PFDN6: variants seen among roughly 807,000 people sequenced by gnomAD.
The protein encoded by PFDN6 is HLA class II region expressed gene KE2.
PFDN6 carries 5 observed loss-of-function variants against 19.3 expected under a neutral mutation model. The observed-to-expected ratio is 0.26, with a 90% CI of 0.14 to 0.55. The LOEUF is 0.55. Among genes scored for constraint, PFDN6 ranks in the 20% least tolerant of loss-of-function variants. The probability of loss-of-function intolerance (pLI) is 0.94; values close to 1 mark genes in which losing one functional copy is unlikely to be tolerated. For missense variants in PFDN6, 101 were observed against 149.4 expected (o/e 0.68, Z 1.69); for synonymous variants, 51 against 63.4 (o/e 0.80, Z 0.93).
Position 33,290,842 on chromosome 6 carries a change from C to A in PFDN6, c.387C>A (p.Ala129=), listed in dbSNP as rs743946. The A allele has an allele frequency of 4.8e-3, 7,725 of 1,597,544 alleles. 277 individuals carry two copies. In the African/African-American group the frequency reaches 0.08, roughly 17 times the overall value. The change falls in exon 4 of 4, where the codon GCC becomes GCA. Residue 129 remains alanine, a synonymous_variant. Transcript: ENST00000374606. ...CAAAGGCAGGGGCTCCTGGCAAGGC[C>A]TGACCCCATGGTGGGGGGAGGGGAG... ...QAAKAGAPGK[A]
chr6:33,289,936 C>A lies in PFDN6; in HGVS notation c.64+16C>A. On this transcript the variant is annotated intron_variant, in intron 1 of 3. Coordinates refer to ENST00000374606, the MANE Select transcript of PFDN6 (RefSeq NM_001185181.3). The stretch of plus-strand genomic sequence containing the variant: ...CTACAGAAGGGTAAGGGAACAGGGT[C>A]GGTATGGTCTCGCCCAATGCACTTA... 1 of 1,597,224 alleles carries A rather than the reference C, an allele frequency of 6.3e-7. No individual in the cohort carries two copies. Among genetic ancestry groups the A allele is most frequent in the Non-Finnish European group, 8.5e-7 (1 of 1,170,066 alleles).
At chr6:33,289,203 ACTC>A (rs1473864465), upstream of PFDN6, 1 of 1,595,870 alleles carries the variant, frequency 6.3e-7, no homozygotes. Flanking sequence ...CACGTGCAAA[ACTC>A]CTCTCAGCTG....
At chr6:33,290,284 C>G in intron 2 of PFDN6, 40 bp downstream of exon 2, 1 of 1,613,912 alleles carries the variant, frequency 6.2e-7, no homozygotes, top group Non-Finnish European at 8.5e-7. Flanking sequence ...GGGACCTGTA[C>G]TAGCCATGGT....
At chr6:33,289,962 C>A (rs1478178476) in intron 1 of PFDN6, 42 bp downstream of exon 1, 16 of 1,534,728 alleles carry the variant, frequency 1.0e-5, no homozygotes, top group Non-Finnish European at 1.4e-5. Context: ...AATGCACTTA[C>A]AACCCAAAGC....
rs1354854554 is a variant in PFDN6 at position 33,290,901 on chromosome 6, A to C, written c.*56A>C. ...AGGGAATGAGGCAGCTCTAGGATCTATACTGTAGCTAATAAAATGTAAAAA... is the reference window on the plus strand; with the variant it reads ...AGGGAATGAGGCAGCTCTAGGATCTCTACTGTAGCTAATAAAATGTAAAAA... On this transcript the variant is annotated 3_prime_UTR_variant, in exon 4 of 4. Coordinates refer to ENST00000374606, the MANE Select transcript of PFDN6 (RefSeq NM_001185181.3). 1 of 1,470,810 alleles carries C rather than the reference A, an allele frequency of 6.8e-7. No homozygotes were observed. 91.1% of individuals were successfully genotyped at this position (1,470,810 alleles called of 1,614,324 possible). A position where few individuals can be genotyped will look rare whatever the true frequency, so the allele number is the denominator to read the frequency against.
Position 33,289,607 on chromosome 6 carries a change from A to G in PFDN6, c.-250A>G. On this transcript the variant is annotated 5_prime_UTR_variant, in exon 1 of 4. Coordinates refer to ENST00000374606, the MANE Select transcript of PFDN6 (RefSeq NM_001185181.3). The stretch of plus-strand genomic sequence containing the variant: ...CTTGTTTACTTCCGGGTTTATTACT[A>G]CTGAAGGAAGAACGTGAGTAGGTTA... 1 of 623,398 alleles carries G rather than the reference A, an allele frequency of 1.6e-6. No homozygotes were observed. The allele number at this position is 623,398 out of a possible 1,614,324, so 38.6% of individuals were successfully genotyped here. A position where few individuals can be genotyped will look rare whatever the true frequency, so the allele number is the denominator to read the frequency against.
chr6:33,289,776 T>G lies in PFDN6; in HGVS notation c.-81T>G. The G allele has an allele frequency of 8.5e-7, 1 of 1,172,778 alleles. No homozygotes were observed. The highest frequency in any genetic ancestry group is 1.2e-6 in the Non-Finnish European group (1 of 828,262). The allele number at this position is 1,172,778 out of a possible 1,614,324, so 72.6% of individuals were successfully genotyped here. ...AGTGCTATCATTTCCGCAGGCCAGA[T>G]CAGAAAAGGGAGCTCAGGTACCTTC... On this transcript the variant is annotated 5_prime_UTR_variant, in exon 1 of 4. Coordinates refer to ENST00000374606, the MANE Select transcript of PFDN6 (RefSeq NM_001185181.3).
chr6:33,290,595 C>G (rs1767261937), intron 3 of PFDN6, 121 bp from the exon 4 acceptor site: 1 of 1,466,322 alleles, frequency 6.8e-7, no homozygotes, highest in South Asian at 1.3e-5. Flanking sequence ...CTTTTAACCC[C>G]CCTTCTTCTC....
Position 33,290,877 on chromosome 6 carries a change from G to A in PFDN6, c.*32G>A. The A allele has an allele frequency of 2.6e-6, 4 of 1,560,484 alleles. No homozygotes were observed. The highest frequency in any genetic ancestry group is 3.5e-6 in the Non-Finnish European group (4 of 1,154,186). On this transcript the variant is annotated 3_prime_UTR_variant, in exon 4 of 4. Coordinates refer to ENST00000374606, the MANE Select transcript of PFDN6 (RefSeq NM_001185181.3). ...GGTGGGGGGAGGGGAGGGGAGGGGA[G>A]GGAATGAGGCAGCTCTAGGATCTAT...
At chr6:33,289,335 CG>C, upstream of PFDN6, 1 of 1,372,782 alleles carries the variant, frequency 7.3e-7, no homozygotes, top group African/African-American at 1.5e-5. Flanking sequence ...CTTAGAGGGG[CG>C]GAACAGTTTT....
chr6:33,289,500 C>A (rs1767084291), upstream of PFDN6: 1 of 1,200,978 alleles, frequency 8.3e-7, no homozygotes, highest in Non-Finnish European at 1.1e-6. Flanking sequence ...TTTAGCAGAA[C>A]TCCACTCCCT....
chr6:33,289,225 T>A, upstream of PFDN6: 1 of 1,576,922 alleles, frequency 6.3e-7, no homozygotes, highest in Non-Finnish European at 8.6e-7. Context: ...TGCCACACAG[T>A]CGGCTTGAAA....
chr6:33,289,379 G>A (rs1302839083), upstream of PFDN6: 1 of 1,338,050 alleles, frequency 7.5e-7, no homozygotes, highest in Non-Finnish European at 9.5e-7. Context: ...GCTTATGCAA[G>A]AGTGATTTAA....
At chr6:33,290,304 A>T (rs566658142) in intron 2 of PFDN6, 22 bp from the exon 3 acceptor site, 72 of 1,611,928 alleles carry the variant, frequency 4.5e-5, no homozygotes, top group Middle Eastern at 3.3e-4. Context: ...TTCTGATCAC[A>T]TATGTCCCAT....
In PFDN6 at chr6:33,290,409, G is replaced by A; in HGVS notation, c.219G>A (p.Arg73=). ...TCAAACAGGAGCTGGGGGAGGCTCG[G>A]GCCACAGTAGGGAAGAGGCTGGACT... is the stretch of plus-strand genomic sequence containing the variant. ...VLVKQELGEA[R]ATVGKRLDYI... is the part of the protein sequence containing the mutation. The change falls in exon 3 of 4, where the codon CGG becomes CGA. Residue 73 remains arginine, a synonymous_variant. Coordinates refer to ENST00000374606, the MANE Select transcript of PFDN6 (RefSeq NM_001185181.3). 1 of 1,599,880 alleles carries A rather than the reference G, an allele frequency of 6.3e-7. No individual in the cohort carries two copies. Among genetic ancestry groups the A allele is most frequent in the Non-Finnish European group, 8.5e-7 (1 of 1,172,832 alleles).
intron 1 of PFDN6, 110 bp downstream of exon 1, chr6:33,290,030 G>T (rs1355513387): frequency 1.2e-5 from 16 of 1,289,918 alleles, no homozygotes; most frequent in Non-Finnish European, 1.7e-5. Flanking sequence ...AGACTTCCCC[G>T]CCTCAGTCTC....
upstream of PFDN6, chr6:33,289,403 G>A: frequency 7.6e-7 from 1 of 1,310,102 alleles, no homozygotes; most frequent in African/African-American, 1.5e-5. Flanking sequence ...AGAAAGGCAG[G>A]TCCGGAGCCA....
rs1767226635 is a variant in PFDN6 at position 33,290,365 on chromosome 6, C to A, written c.175C>A (p.Leu59Ile). The change falls in exon 3 of 4, where the codon CTT (leucine) becomes ATT (isoleucine). Residue 59 changes from leucine (L) to isoleucine (I), a missense_variant. Physicochemically the swap from Leu to Ile is conservative, Grantham distance 5 (BLOSUM62 2). Around this residue, in one of 2 missense-constraint regions of PFDN6, gnomAD observed 54 missense variants for 108.8 expected, o/e 0.50. Transcript: ENST00000374606. Reference sequence around the variant, plus strand: ...GGATGGGTCCAACGTGGTCTTTAAACTTCTGGGTCCGGTGCTAGTCAAACA... The same window carrying A: ...GGATGGGTCCAACGTGGTCTTTAAAATTCTGGGTCCGGTGCTAGTCAAACA... ...LLDGSNVVFK[L>I]LGPVLVKQEL... 2 of 1,609,334 alleles carry A rather than the reference C, an allele frequency of 1.2e-6. No homozygotes were observed. Among genetic ancestry groups the A allele is most frequent in the Non-Finnish European group, 1.7e-6 (2 of 1,177,120 alleles).
rs776367653 is a variant in PFDN6 at position 33,289,877 on chromosome 6, G to C, written c.21G>C (p.Lys7Asn). The C allele has an allele frequency of 1.2e-4, 200 of 1,608,464 alleles. No individual in the cohort carries two copies. Among genetic ancestry groups the C allele is most frequent in the Non-Finnish European group, 1.5e-4 (173 of 1,177,594 alleles). Residue 7 changes from lysine (K) to asparagine (N), a missense_variant, in exon 1 of 4, where the codon AAG becomes AAC. This residue lies in a region of PFDN6 where 54 missense variants were observed against 108.8 expected (regional missense o/e 0.50). Transcript: ENST00000374606. Reference protein sequence around the residue: MAELIQKKLQGEVEKYQ... With the variant: MAELIQNKLQGEVEKYQ... ...CCGCCATGGCGGAGCTGATCCAGAA[G>C]AAGCTACAGGGAGAAGTGGAGAAAT...
Sources: gnomAD v4.1 joint callset for allele counts on GRCh38, gnomAD v4.1.1 for gene constraint, gnomAD v4.1.1 regional missense constraint, MANE v1.5 for transcripts, NCBI Gene and HGNC (gene_info 2026-07-23, HGNC 2026-07-21) for gene names.